PCDHGA3: variants seen among roughly 807,000 people sequenced by gnomAD.
PCDHGA3 encodes the protein protocadherin gamma-A3.
PCDHGA3 carries 40 observed loss-of-function variants against 58.5 expected under a neutral mutation model. The observed-to-expected ratio is 0.68, with a 90% CI of 0.53 to 0.89. The LOEUF is 0.89. Ranked by LOEUF, PCDHGA3 falls within the 40% of genes least tolerant of loss-of-function variation. The pLI is 0.00. For synonymous variants in PCDHGA3, 530 were observed against 525.7 expected, an observed-to-expected ratio of 1.01 and a Z score of -0.11; for missense variants, 1,223 against 1,195.9, an observed-to-expected ratio of 1.02 and a Z score of -0.33.
intron 1 of PCDHGA3, chr5:141,430,592 C>A (rs2097296542): frequency 1.8e-6 from 1 of 544,568 alleles, no homozygotes; most frequent in Non-Finnish European, 2.9e-6. Flanking sequence ...TCGCCTTGCA[C>A]GCGCCTGAAG....
intron 1 of PCDHGA3, chr5:141,374,110 G>T (rs1402267775): frequency 7.0e-6 from 11 of 1,576,896 alleles, no homozygotes; most frequent in Non-Finnish European, 9.5e-6. Context: ...GGCATCCGCA[G>T]CGCAGCGAGC....
chr5:141,403,601 G>A, intron 1 of PCDHGA3: 1 of 1,613,814 alleles, frequency 6.2e-7, no homozygotes, highest in Non-Finnish European at 8.5e-7. Flanking sequence ...GGCCTCGGAT[G>A]GCGGCGAGCC....
intron 1 of PCDHGA3, chr5:141,350,941 C>CCGAGTTA: frequency 6.2e-7 from 1 of 1,614,076 alleles, no homozygotes; most frequent in Non-Finnish European, 8.5e-7. Context: ...ATATCTGGAT[C>CCGAGTTA]CGAGTTACGG....
intron 1 of PCDHGA3, among the ~76,000 whole-genome samples, chr5:141,436,410 G>T (rs2154557099): frequency 6.6e-6 from 1 of 152,200 alleles, no homozygotes; most frequent in East Asian, 1.9e-4. Flanking sequence ...TTGAATGAAT[G>T]GATAAACAAA....
chr5:141,494,901 G>C, intron 2 of PCDHGA3, 36 bp downstream of exon 2: 1 of 1,614,050 alleles, frequency 6.2e-7, no homozygotes, highest in Non-Finnish European at 8.5e-7. Context: ...CCTCTTCTCT[G>C]CGGCATTTTC....
intron 1 of PCDHGA3, chr5:141,400,300 C>T: frequency 6.2e-7 from 1 of 1,614,084 alleles, no homozygotes; most frequent in Non-Finnish European, 8.5e-7. Context: ...CTGCTTCCAA[C>T]CTGGTCTCTG....
At chr5:141,450,679 G>A (rs2098690217) in intron 1 of PCDHGA3, among the ~76,000 whole-genome samples, 2 of 151,914 alleles carry the variant, frequency 1.3e-5, no homozygotes, top group Non-Finnish European at 2.9e-5. Context: ...TAGAAACGGG[G>A]TTTTGCCATG....
intron 1 of PCDHGA3, chr5:141,416,818 C>T (rs766541497): frequency 9.9e-5 from 15 of 151,960 alleles, no homozygotes; most frequent in Admixed American, 2.6e-4. Flanking sequence ...AAAAGCATTC[C>T]GAAGTTTCTC....
At chr5:141,430,217 T>C (rs1055487905) in intron 1 of PCDHGA3, among the ~76,000 whole-genome samples, 1 of 150,102 alleles carries the variant, frequency 6.7e-6, no homozygotes, top group Non-Finnish European at 1.5e-5. Context: ...TATTATATTA[T>C]ATGATTTGTC....
At chr5:141,402,807 T>TA in intron 1 of PCDHGA3, 1 of 1,165,464 alleles carries the variant, frequency 8.6e-7, no homozygotes, top group Non-Finnish European at 1.2e-6. Flanking sequence ...ACCCGGCAGA[T>TA]ACCACAAACC....
chr5:141,418,928 A>G, intron 1 of PCDHGA3: 1 of 1,613,978 alleles, frequency 6.2e-7, no homozygotes, highest in Non-Finnish European at 8.5e-7. Context: ...TGATCAGATT[A>G]TGGAGGATTC....
chr5:141,504,836 C>A (rs550489904), intron 2 of PCDHGA3, among the ~76,000 whole-genome samples: 2 of 152,200 alleles, frequency 1.3e-5, no homozygotes, highest in East Asian at 3.9e-4. Context: ...TTTTCTCTAG[C>A]TCTGGAACAT....
chr5:141,440,328 T>G (rs1311315077), intron 1 of PCDHGA3: 1 of 152,102 alleles, frequency 6.6e-6, no homozygotes. Context: ...TTACTGGGCA[T>G]GGTGGTGCAG....
At chr5:141,410,348 C>T (rs761119683) in intron 1 of PCDHGA3, 3 of 1,614,034 alleles carry the variant, frequency 1.9e-6, no homozygotes, top group East Asian at 2.2e-5. Context: ...CTTGCGCCTG[C>T]GACGCTCTCT....
intron 1 of PCDHGA3, chr5:141,365,077 G>A: frequency 6.2e-7 from 1 of 1,613,842 alleles, no homozygotes; most frequent in African/African-American, 1.3e-5. Context: ...AGTACAGCGT[G>A]AGTGTTCCAG....
intron 2 of PCDHGA3, among the ~76,000 whole-genome samples, chr5:141,504,268 T>A (rs539485141): frequency 2.2e-4 from 34 of 152,348 alleles, no homozygotes; most frequent in Admixed American, 1.3e-3. Context: ...AGTATTTTTT[T>A]AAATTATGAA....
intron 1 of PCDHGA3, chr5:141,413,487 G>A (rs1190400492): frequency 1.9e-6 from 3 of 1,613,928 alleles, no homozygotes; most frequent in African/African-American, 2.7e-5. Context: ...CTCAGAGCGC[G>A]CGGTGCGTGG....
Position 141,490,089 on chromosome 5 carries a change from C to G in PCDHGA3, c.2425-4718C>G. On this transcript the variant is annotated intron_variant, in intron 1 of 3. Transcript: ENST00000253812. This position sits in a 1 kb window ranked among gnomAD's most constrained non-coding sequence, Gnocchi z 5.4. ...GCCAACTAGACTATTCTTTTGGAGACCACACATCTGAGGCAGTGCGGAACC... is the reference window on the plus strand; with the variant it reads ...GCCAACTAGACTATTCTTTTGGAGAGCACACATCTGAGGCAGTGCGGAACC... 1 of 1,614,232 alleles carries G rather than the reference C, an allele frequency of 6.2e-7. No homozygotes were observed. The highest frequency in any genetic ancestry group is 8.5e-7 in the Non-Finnish European group (1 of 1,180,026).
chr5:141,501,902 C>G (rs2154593013), intron 2 of PCDHGA3, among the ~76,000 whole-genome samples: 1 of 152,202 alleles, frequency 6.6e-6, no homozygotes, highest in East Asian at 1.9e-4. Flanking sequence ...GGTTCCAACC[C>G]CACTGTTCCA....
Sources: allele counts gnomAD v4.1 joint callset (sites outside exome capture counted in the v4.1 genomes callset), GRCh38; gene constraint gnomAD v4.1.1; non-coding constraint Gnocchi (gnomAD v3.1); transcripts MANE v1.5; gene names NCBI Gene and HGNC (gene_info 2026-07-23, HGNC 2026-07-21).